PRR23B: variants seen among roughly 807,000 people sequenced by gnomAD.
The protein encoded by PRR23B is proline-rich protein 23B.
For synonymous variants in PRR23B, 157 were observed against 168.0 expected (o/e 0.93, Z 0.51); for missense variants, 375 against 371.7 (o/e 1.01, Z -0.07).
In PRR23B at chr3:139,019,500, T is replaced by C. The variant is rs1936922484; in HGVS notation, c.*364A>G. 1.1e-5 allele frequency: 2 copies of C among 176,222 alleles called. No homozygotes were observed. Among genetic ancestry groups the C allele is most frequent in the South Asian group, 1.9e-4 (1 of 5,396 alleles). 10.9% of individuals were successfully genotyped at this position (176,222 alleles called of 1,614,324 possible). A position where few individuals can be genotyped will look rare whatever the true frequency, so the allele number is the denominator to read the frequency against. ...GTAAGAGATCTGGTGATTTCTTGGTTTGGGGAGAAACGGGAGTGGCAGTAT... is the reference window on the plus strand; with the variant it reads ...GTAAGAGATCTGGTGATTTCTTGGTCTGGGGAGAAACGGGAGTGGCAGTAT... On this transcript the variant is annotated 3_prime_UTR_variant, in exon 1 of 1. Coordinates refer to ENST00000329447, the MANE Select transcript of PRR23B (RefSeq NM_001013650.2).
chr3:139,020,775 A>G lies in PRR23B; in HGVS notation c.-114T>C, dbSNP rs1720230. 1,196,379 of 1,332,290 alleles carry G rather than the reference A, an allele frequency of 0.9. 537,724 individuals carry two copies. The highest frequency in any genetic ancestry group is 0.94 in the East Asian group (33,535 of 35,536). 82.5% of individuals were successfully genotyped at this position (1,332,290 alleles called of 1,614,324 possible). ...TCGGTGGTAGGGGAGGCTGGTTGGG[A>G]CGAGCGGGGCGCAGGACCGCGCGAC... On this transcript the variant is annotated 5_prime_UTR_variant, in exon 1 of 1. Transcript: ENST00000329447.
the PRR23B span, chr3:139,020,118 A>AG: frequency 1.2e-6 from 2 of 1,613,878 alleles, no homozygotes; most frequent in Non-Finnish European, 1.7e-6. Flanking sequence ...ATACTTCTAG[A>AG]GGAGGGGTAG....
chr3:139,019,756 G>T lies in PRR23B; in HGVS notation c.*108C>A. 2.6e-6 allele frequency: 3 copies of T among 1,134,878 alleles called. No homozygotes were observed. The highest frequency in any genetic ancestry group is 2.5e-6 in the Non-Finnish European group (2 of 806,088). 70.3% of individuals were successfully genotyped at this position (1,134,878 alleles called of 1,614,324 possible). A position where few individuals can be genotyped will look rare whatever the true frequency, so the allele number is the denominator to read the frequency against. ...CGAAAAAGCAATTGTCCGAACACGCGGTGCCCAATTTCCAGGTTGTTGGAT... is the reference window on the plus strand; with the variant it reads ...CGAAAAAGCAATTGTCCGAACACGCTGTGCCCAATTTCCAGGTTGTTGGAT... On this transcript the variant is annotated 3_prime_UTR_variant, in exon 1 of 1. Coordinates refer to ENST00000329447, the MANE Select transcript of PRR23B (RefSeq NM_001013650.2).
At position 139,020,780 on chromosome 3, in the gene PRR23B, C is replaced by A; in HGVS notation, c.-119G>T. ...GGTAGGGGAGGCTGGTTGGGACGAG[C>A]GGGGCGCAGGACCGCGCGACGCGGG... On this transcript the variant is annotated 5_prime_UTR_variant, in exon 1 of 1. Transcript: ENST00000329447. The A allele has an allele frequency of 7.8e-7, 1 of 1,287,552 alleles. No individual in the cohort carries two copies. The allele number at this position is 1,287,552 out of a possible 1,614,324, so 79.8% of individuals were successfully genotyped here.
At position 139,020,304 on chromosome 3, in the gene PRR23B, C is replaced by T. The variant is rs959412271; in HGVS notation, c.358G>A (p.Ala120Thr). Residue 120 changes from alanine (A) to threonine (T), a missense_variant, in exon 1 of 1, where the codon GCC becomes ACC. By Grantham distance (58) the Ala-to-Thr change is moderately conservative. Transcript: ENST00000329447. ...AGGAAAACGTCCACTTCCAGCCCGGCAGACGAGTCGTGCTGCGCTCCTGAG... is the reference window on the plus strand; with the variant it reads ...AGGAAAACGTCCACTTCCAGCCCGGTAGACGAGTCGTGCTGCGCTCCTGAG... The part of the protein sequence containing the change: ...ERSGAQHDSS[A>T]GLEVDVFLGA... 2 of 1,614,116 alleles carry T rather than the reference C, an allele frequency of 1.2e-6. No homozygotes were observed. The highest frequency in any genetic ancestry group is 1.1e-5 in the South Asian group (1 of 91,070).
In PRR23B at chr3:139,020,718, C is replaced by T. The variant is rs1936941408; in HGVS notation, c.-57G>A. 1 of 1,438,918 alleles carries T rather than the reference C, an allele frequency of 6.9e-7. No homozygotes were observed. The highest frequency in any genetic ancestry group is 1.5e-5 in the African/African-American group (1 of 67,132). 89.1% of individuals were successfully genotyped at this position (1,438,918 alleles called of 1,614,324 possible). On this transcript the variant is annotated 5_prime_UTR_variant, in exon 1 of 1. Transcript: ENST00000329447. ...GGCCTAGCAGCGGACGTGGGGAGCG[C>T]GGCGGTGAAGTCCTCTTTGAAGTAA...
rs755524237 is a variant in PRR23B at position 139,020,409 on chromosome 3, T to C, written c.253A>G (p.Thr85Ala). The C allele has an allele frequency of 1.4e-5, 22 of 1,612,184 alleles. No homozygotes were observed. The highest frequency in any genetic ancestry group is 1.8e-5 in the Non-Finnish European group (21 of 1,179,694). ...CCGAGAGACACTCGCAGGATCGACG[T>C]TGGTGCGGGCTCCAGCACCAGGTCG... Reference protein sequence around the residue: ...DVDLVLEPAPTSILRVSLGGH... With the variant: ...DVDLVLEPAPASILRVSLGGH... Residue 85 changes from threonine (T) to alanine (A), a missense_variant, in exon 1 of 1, where the codon ACG (threonine) becomes GCG (alanine). Coordinates refer to ENST00000329447, the MANE Select transcript of PRR23B (RefSeq NM_001013650.2).
chr3:139,019,880 C>T lies in PRR23B; in HGVS notation c.782G>A (p.Arg261His). Residue 261 changes from arginine (R) to histidine (H), a missense_variant, in exon 1 of 1, where the codon CGC (arginine) becomes CAC (histidine). Transcript: ENST00000329447. ...PERPPCKARR[R>H]LFQA is the part of the protein sequence containing the mutation. ...GGTGGGGGTCTATGCCTGGAACAGG[C>T]GTCTCCGGGCCTTGCACGGAGGGCG... 3 of 1,597,608 alleles carry T rather than the reference C, an allele frequency of 1.9e-6. No individual in the cohort carries two copies. Among genetic ancestry groups the T allele is most frequent in the African/African-American group, 2.7e-5 (2 of 74,336 alleles).
chr3:139,020,695 C>T lies in PRR23B; in HGVS notation c.-34G>A, dbSNP rs1936940999. ...CGGCGCTGTGGACGGCGCTCCTGGG[C>T]CTAGCAGCGGACGTGGGGAGCGCGG... is the stretch of plus-strand genomic sequence containing the variant. On this transcript the variant is annotated 5_prime_UTR_variant, in exon 1 of 1. Coordinates refer to ENST00000329447, the MANE Select transcript of PRR23B (RefSeq NM_001013650.2). 3 of 1,462,974 alleles carry T rather than the reference C, an allele frequency of 2.1e-6. No homozygotes were observed. Among genetic ancestry groups the T allele is most frequent in the Admixed American group, 2.8e-5 (1 of 36,284 alleles). 90.6% of individuals were successfully genotyped at this position (1,462,974 alleles called of 1,614,324 possible).
rs756133004 is a variant in PRR23B at position 139,020,512 on chromosome 3, C to A, written c.150G>T (p.Gly50=). The A allele has an allele frequency of 1.9e-6, 3 of 1,572,420 alleles. No homozygotes were observed. Among genetic ancestry groups the A allele is most frequent in the African/African-American group, 1.4e-5 (1 of 73,830 alleles). ...AGGTGAGCGCGTCCACGGCCGGGTCCCCCGCCGGGTCTTCCAGGCTGGGTG... is the reference window on the plus strand; with the variant it reads ...AGGTGAGCGCGTCCACGGCCGGGTCACCCGCCGGGTCTTCCAGGCTGGGTG... ...RAAPSLEDPA[G]DPAVDALTSI... is the part of the protein sequence containing the mutation. The change falls in exon 1 of 1, where the codon GGG becomes GGT. Residue 50 remains glycine, a synonymous_variant. Coordinates refer to ENST00000329447, the MANE Select transcript of PRR23B (RefSeq NM_001013650.2).
Position 139,020,850 on chromosome 3 carries a change from C to G in PRR23B, c.-189G>C. 1 of 704,230 alleles carries G rather than the reference C, an allele frequency of 1.4e-6. No individual in the cohort carries two copies. The allele number at this position is 704,230 out of a possible 1,614,324, so 43.6% of individuals were successfully genotyped here. Reference sequence around the variant, plus strand: ...GGGGCGCCTCCTGGGGGACCGTAGTCTGGGCTGCTGGTGGTGCCTCGCCGG... The same window carrying G: ...GGGGCGCCTCCTGGGGGACCGTAGTGTGGGCTGCTGGTGGTGCCTCGCCGG... On this transcript the variant is annotated 5_prime_UTR_variant, in exon 1 of 1. Coordinates refer to ENST00000329447, the MANE Select transcript of PRR23B (RefSeq NM_001013650.2).
chr3:139,020,416 G>C lies in PRR23B; in HGVS notation c.246C>G (p.Pro82=). 1 of 1,613,692 alleles carries C rather than the reference G, an allele frequency of 6.2e-7. No homozygotes were observed. Among genetic ancestry groups the C allele is most frequent in the Non-Finnish European group, 8.5e-7 (1 of 1,179,968 alleles). Residue 82 remains proline, a synonymous_variant, in exon 1 of 1, where the codon CCC becomes CCG. Transcript: ENST00000329447. ...PLDDVDLVLE[P]APTSILRVSL... ...ACACTCGCAGGATCGACGTTGGTGCGGGCTCCAGCACCAGGTCGACGTCGT... is the reference window on the plus strand; with the variant it reads ...ACACTCGCAGGATCGACGTTGGTGCCGGCTCCAGCACCAGGTCGACGTCGT...
At position 139,019,544 on chromosome 3, in the gene PRR23B, G is replaced by A. The variant is rs1472384754; in HGVS notation, c.*320C>T. On this transcript the variant is annotated 3_prime_UTR_variant, in exon 1 of 1. Transcript: ENST00000329447. Reference sequence around the variant, plus strand: ...GCAGTATGATGCTGGAGAAAGACTGGAATTTGAGAGAAACAACTGATGCAA... The same window carrying A: ...GCAGTATGATGCTGGAGAAAGACTGAAATTTGAGAGAAACAACTGATGCAA... 4.4e-6 allele frequency: 1 copy of A among 224,956 alleles called. No homozygotes were observed. Among genetic ancestry groups the A allele is most frequent in the Non-Finnish European group, 8.6e-6 (1 of 115,812 alleles). 13.9% of individuals were successfully genotyped at this position (224,956 alleles called of 1,614,324 possible).
chr3:139,019,637 T>C lies in PRR23B; in HGVS notation c.*227A>G, dbSNP rs1936923618. 2.0e-5 allele frequency: 9 copies of C among 453,398 alleles called. No homozygotes were observed. Among genetic ancestry groups the C allele is most frequent in the East Asian group, 3.3e-5 (1 of 30,496 alleles). The allele number at this position is 453,398 out of a possible 1,614,324, so 28.1% of individuals were successfully genotyped here. A position where few individuals can be genotyped will look rare whatever the true frequency, so the allele number is the denominator to read the frequency against. On this transcript the variant is annotated 3_prime_UTR_variant, in exon 1 of 1. Coordinates refer to ENST00000329447, the MANE Select transcript of PRR23B (RefSeq NM_001013650.2). ...AGCCCAGAAATCTGGACACATTTTC[T>C]GGTATCCTTGCGCAGATTTTCTATT...
chr3:139,020,546 G>C lies in PRR23B; in HGVS notation c.116C>G (p.Pro39Arg). Residue 39 changes from proline (P) to arginine (R), a missense_variant, in exon 1 of 1, where the codon CCC (proline) becomes CGC (arginine). Coordinates refer to ENST00000329447, the MANE Select transcript of PRR23B (RefSeq NM_001013650.2). ...GTCTTCCAGGCTGGGTGCCGCGCGG[G>C]GTTCGGGGCCCGCGGGCTCCTCCAA... ...LRLEEPAGPE[P>R]RAAPSLEDPA... The C allele has an allele frequency of 6.4e-7, 1 of 1,555,550 alleles. No individual in the cohort carries two copies.
At position 139,020,778 on chromosome 3, in the gene PRR23B, A is replaced by G. The variant is rs1212179715; in HGVS notation, c.-117T>C. ...GTGGTAGGGGAGGCTGGTTGGGACG[A>G]GCGGGGCGCAGGACCGCGCGACGCG... On this transcript the variant is annotated 5_prime_UTR_variant, in exon 1 of 1. Coordinates refer to ENST00000329447, the MANE Select transcript of PRR23B (RefSeq NM_001013650.2). The G allele has an allele frequency of 7.8e-7, 1 of 1,285,844 alleles. No individual in the cohort carries two copies. The highest frequency in any genetic ancestry group is 1.0e-6 in the Non-Finnish European group (1 of 967,966). 79.7% of individuals were successfully genotyped at this position (1,285,844 alleles called of 1,614,324 possible).
At position 139,019,093 on chromosome 3, in the gene PRR23B, A is replaced by G. The variant is rs1177061402; in HGVS notation, c.*771T>C. 1.3e-5 allele frequency: 2 copies of G among 152,220 alleles called. No homozygotes were observed. The highest frequency in any genetic ancestry group is 1.5e-5 in the Non-Finnish European group (1 of 68,050). 9.4% of individuals were successfully genotyped at this position (152,220 alleles called of 1,614,324 possible). A position where few individuals can be genotyped will look rare whatever the true frequency, so the allele number is the denominator to read the frequency against. ...TATGAGGCAACTACAGTAATAAACT[A>G]ACATTTTAAAAGTTAGAAGTTTGGT... On this transcript the variant is annotated 3_prime_UTR_variant, in exon 1 of 1. Coordinates refer to ENST00000329447, the MANE Select transcript of PRR23B (RefSeq NM_001013650.2).
In PRR23B at chr3:139,019,417, A is replaced by C. The variant is rs552791984; in HGVS notation, c.*447T>G. The C allele has an allele frequency of 7.7e-4, 121 of 157,646 alleles. 1 individual carries two copies. The Middle Eastern group carries it at 0.01, about 13-fold the overall frequency. 9.8% of individuals were successfully genotyped at this position (157,646 alleles called of 1,614,324 possible). A position where few individuals can be genotyped will look rare whatever the true frequency, so the allele number is the denominator to read the frequency against. Reference sequence around the variant, plus strand: ...GAGAGCAGTTGGAAAAACCCCAAGAAAAGCCATGGCTAAGTCTTCCAAAAT... The same window carrying C: ...GAGAGCAGTTGGAAAAACCCCAAGACAAGCCATGGCTAAGTCTTCCAAAAT... On this transcript the variant is annotated 3_prime_UTR_variant, in exon 1 of 1. Coordinates refer to ENST00000329447, the MANE Select transcript of PRR23B (RefSeq NM_001013650.2).
chr3:139,020,096 TA>T, the PRR23B span: 1 of 1,613,506 alleles, frequency 6.2e-7, no homozygotes, highest in South Asian at 1.1e-5. Flanking sequence ...GCCCTCCCGG[TA>T]GGGGATGAAC....
Sources: gnomAD v4.1 joint callset for allele counts on GRCh38, gnomAD v4.1.1 for gene constraint, MANE v1.5 for transcripts, NCBI Gene and HGNC (gene_info 2026-07-23, HGNC 2026-07-21) for gene names.